TRAF3: variants seen among roughly 807,000 people sequenced by gnomAD.
TRAF3 encodes the protein TNF receptor-associated factor 3.
TRAF3 carries 13 observed loss-of-function variants against 62.3 expected under a neutral mutation model. The observed-to-expected ratio is 0.21, with a 90% CI of 0.14 to 0.33. TRAF3 has a LOEUF of 0.33. TRAF3 is among the 10% of genes least tolerant of loss of function. TRAF3 has a pLI of 1.00. For missense variants in TRAF3, 440 were observed against 741.8 expected, an observed-to-expected ratio of 0.59 and a Z score of 4.73; for synonymous variants, 269 against 283.4, an observed-to-expected ratio of 0.95 and a Z score of 0.51.
chr14:102,876,473 G>A lies in TRAF3; in HGVS notation c.518G>A (p.Arg173Gln), dbSNP rs748845782. 2.5e-6 allele frequency: 4 copies of A among 1,614,056 alleles called. No homozygotes were observed. Among genetic ancestry groups the A allele is most frequent in the Non-Finnish European group, 1.7e-6 (2 of 1,180,032 alleles). The change falls in exon 6 of 12, where the codon CGG becomes CAG. Residue 173 changes from arginine to glutamine, a missense_variant. Transcript: ENST00000392745. ...RDHVEKACKY[R>Q]EATCSHCKSQ... is the part of the protein sequence containing the mutation. ...CACGTGGAGAAGGCGTGTAAATACC[G>A]GGAAGCCACATGCAGCCACTGCAAG...
chr14:102,852,981 C>T (rs953023633), intron 2 of TRAF3, among the ~76,000 whole-genome samples: 16 of 152,100 alleles, frequency 1.1e-4, no homozygotes, highest in Admixed American at 3.9e-4. Context: ...GCAACCTCCA[C>T]CTCCTGGGTT....
At position 102,826,380 on chromosome 14, in the gene TRAF3, C is replaced by T. The variant is rs984555141; in HGVS notation, c.-156-3954C>T. 9.2e-5 allele frequency among the ~76,000 whole-genome samples: 14 copies of T among 152,300 alleles called. No homozygotes were observed. The highest frequency in any genetic ancestry group is 3.9e-4 in the Admixed American group (6 of 15,304). ...ACACGTTGAGCACCGCAGATACCACCCTGACCGCCACTGCAGGGCTTCTGT... is the reference window on the plus strand; with the variant it reads ...ACACGTTGAGCACCGCAGATACCACTCTGACCGCCACTGCAGGGCTTCTGT... On this transcript the variant is annotated intron_variant, in intron 1 of 11. Transcript: ENST00000392745. The surrounding 1 kb of genome is among the most constrained non-coding windows in gnomAD (Gnocchi z 4.6).
At chr14:102,878,651 G>C (rs934800922) in intron 6 of TRAF3, among the ~76,000 whole-genome samples, 3 of 152,190 alleles carry the variant, frequency 2.0e-5, no homozygotes, top group African/African-American at 7.2e-5. Context: ...ATAAAAATCA[G>C]GTGGCATCAA....
At chr14:102,875,546 G>A (rs76800257) in intron 4 of TRAF3, 78 bp from the exon 5 acceptor site, 4 of 1,261,504 alleles carry the variant, frequency 3.2e-6, no homozygotes, top group Admixed American at 3.5e-5. Context: ...TTTTTAAGTG[G>A]TTTTGCCTTG....
chr14:102,889,842 T>C (rs1003670238), intron 8 of TRAF3, among the ~76,000 whole-genome samples: 14 of 152,222 alleles, frequency 9.2e-5, no homozygotes, highest in African/African-American at 3.4e-4. Flanking sequence ...AGGGAGACAC[T>C]GTGCTGAGGT....
intron 1 of TRAF3, chr14:102,808,878 C>G (rs1315746884): frequency 6.6e-6 from 1 of 151,974 alleles, no homozygotes; most frequent in Admixed American, 6.6e-5. Context: ...TGCAGTGGCA[C>G]GATCTCAGCT....
chr14:102,833,142 C>T (rs1165588584), intron 2 of TRAF3, among the ~76,000 whole-genome samples: 6 of 152,202 alleles, frequency 3.9e-5, no homozygotes, highest in African/African-American at 1.4e-4. Flanking sequence ...GTTCTGTCTT[C>T]TTGCCTGTGG....
rs777091143 is a variant in TRAF3 at position 102,886,287 on chromosome 14, C to T, written c.651+18C>T. 1.9e-5 allele frequency: 30 copies of T among 1,594,774 alleles called. No individual in the cohort carries two copies. The highest frequency in any genetic ancestry group is 1.2e-4 in the South Asian group (11 of 90,144). On this transcript the variant is annotated intron_variant, in intron 7 of 11. Coordinates refer to ENST00000392745, the MANE Select transcript of TRAF3 (RefSeq NM_145725.3). ...GGAGCGAGGTAGGGGCGGCCGGGCC[C>T]GGCCGGGAGTCTGTGGAGTCCTCAG...
chr14:102,807,816 T>C (rs961697691), intron 1 of TRAF3, among the ~76,000 whole-genome samples: 1 of 152,158 alleles, frequency 6.6e-6, no homozygotes, highest in African/African-American at 2.4e-5. Context: ...CACAGAAAGG[T>C]AGGCGCATAG....
At chr14:102,891,485 C>G in intron 9 of TRAF3, 68 bp downstream of exon 9, 1 of 1,504,346 alleles carries the variant, frequency 6.6e-7, no homozygotes, top group Non-Finnish European at 9.0e-7. Flanking sequence ...AAGACAAAAC[C>G]TTTTTGTAGT....
chr14:102,819,189 T>C (rs967839619), intron 1 of TRAF3, among the ~76,000 whole-genome samples: 1 of 152,000 alleles, frequency 6.6e-6, no homozygotes, highest in African/African-American at 2.4e-5. Context: ...CCTAGAGCGG[T>C]GTGTCCCTGT....
At chr14:102,841,853 C>T (rs1174716637) in intron 2 of TRAF3, among the ~76,000 whole-genome samples, 8 of 151,960 alleles carry the variant, frequency 5.3e-5, no homozygotes, top group Non-Finnish European at 1.0e-4. Flanking sequence ...GTTGCACACT[C>T]AACATAAAAC....
chr14:102,822,476 T>C (rs962898999), intron 1 of TRAF3, among the ~76,000 whole-genome samples: 1 of 152,200 alleles, frequency 6.6e-6, no homozygotes, highest in African/African-American at 2.4e-5. Flanking sequence ...AAATGCAGTA[T>C]CATAAAAAGA....
chr14:102,870,459 G>A lies in TRAF3; in HGVS notation c.245+13G>A, dbSNP rs376735583. On this transcript the variant is annotated intron_variant, in intron 3 of 11. Coordinates refer to ENST00000392745, the MANE Select transcript of TRAF3 (RefSeq NM_145725.3). The stretch of plus-strand genomic sequence containing the variant: ...CGGCCCTGCTGAGGTAGGCGCCCTC[G>A]CCCGGCCCGTCGCCCGGCCCCTTCT... 6.8e-6 allele frequency: 11 copies of A among 1,608,702 alleles called. No homozygotes were observed. The South Asian group carries it at 7.7e-5, about 11-fold the overall frequency.
chr14:102,816,453 G>A lies in TRAF3; in HGVS notation c.-156-13881G>A, dbSNP rs1899528187. On this transcript the variant is annotated intron_variant, in intron 1 of 11. Coordinates refer to ENST00000392745, the MANE Select transcript of TRAF3 (RefSeq NM_145725.3). ...ACACCAGATTTTGAAGATTAAGTGT[G>A]GTTTAAAAAAATGCAAAATATCCTG... Among the ~76,000 whole-genome samples the A allele has an allele frequency of 2.0e-5, 3 of 151,644 alleles. No individual in the cohort carries two copies. The South Asian group carries it at 6.2e-4, about 32-fold the overall frequency.
chr14:102,781,947 A>G (rs1273253869), intron 1 of TRAF3, among the ~76,000 whole-genome samples: 1 of 151,538 alleles, frequency 6.6e-6, no homozygotes, highest in Non-Finnish European at 1.5e-5. Flanking sequence ...GTGTGTGCCA[A>G]CATACCTGGC....
At chr14:102,802,017 A>G (rs1419138504) in intron 1 of TRAF3, among the ~76,000 whole-genome samples, 1 of 138,734 alleles carries the variant, frequency 7.2e-6, no homozygotes, top group African/African-American at 2.5e-5. Context: ...CTCCATCTCA[A>G]AAAAAAAAAA....
intron 2 of TRAF3, among the ~76,000 whole-genome samples, chr14:102,842,380 T>A (rs1254659974): frequency 2.0e-5 from 3 of 151,214 alleles, no homozygotes; most frequent in African/African-American, 7.3e-5. Context: ...CACAACAGGT[T>A]ATTACGACAG....
intron 4 of TRAF3, among the ~76,000 whole-genome samples, chr14:102,872,373 G>C (rs539910220): frequency 6.6e-6 from 1 of 152,330 alleles, no homozygotes; most frequent in South Asian, 2.1e-4. Flanking sequence ...CTTACACTAG[G>C]TTTTACCTTC....
Sources: allele counts gnomAD v4.1 joint callset (sites outside exome capture counted in the v4.1 genomes callset), GRCh38; gene constraint gnomAD v4.1.1; non-coding constraint Gnocchi (gnomAD v3.1); transcripts MANE v1.5; gene names NCBI Gene and HGNC (gene_info 2026-07-23, HGNC 2026-07-21).